The following NETO1 variants were observed in gnomAD, a reference collection of about 807,000 sequenced individuals.
NETO1 encodes the protein neuropilin and tolloid like 1.
NETO1 carries 26 observed loss-of-function variants against 61.3 expected under a neutral mutation model. That is an observed-to-expected ratio of 0.42 (90% confidence interval 0.31 to 0.59). The LOEUF is 0.59. NETO1 is among the 20% of genes least tolerant of loss of function. The pLI is 0.12. For synonymous variants in NETO1, 225 were observed against 225.8 expected (o/e 1.00, Z 0.03); for missense variants, 531 against 662.8 (o/e 0.80, Z 2.18).
rs867999890 is a variant in NETO1 at position 72,744,543 on chromosome 18, T to G, written c.*3636A>C. 6.6e-6 allele frequency: 1 copy of G among 152,088 alleles called. No homozygotes were observed. Among genetic ancestry groups the G allele is most frequent in the South Asian group, 2.1e-4 (1 of 4,832 alleles). 9.4% of individuals were successfully genotyped at this position (152,088 alleles called of 1,614,324 possible). On this transcript the variant is annotated 3_prime_UTR_variant, in exon 11 of 11. Coordinates refer to ENST00000327305, the MANE Select transcript of NETO1 (RefSeq NM_138966.5). ...TACGCTAGAGTGCAATAGATAGAAA[T>G]GAATCCATGGAGGGAAAAGGGCACA...
intron 4 of NETO1, chr18:72,835,217 T>C: frequency 2.1e-6 from 3 of 1,448,246 alleles, no homozygotes. Flanking sequence ...CAAGATGGTG[T>C]TAGATCAACG....
chr18:72,811,543 C>T (rs951587089), intron 4 of NETO1, among the ~76,000 whole-genome samples: 1 of 152,156 alleles, frequency 6.6e-6, no homozygotes, highest in African/African-American at 2.4e-5. Context: ...GTGGCTCGTG[C>T]TTGTCATCCC....
chr18:72,774,799 T>G (rs1172886826), intron 7 of NETO1, among the ~76,000 whole-genome samples: 1 of 152,220 alleles, frequency 6.6e-6, no homozygotes, highest in Non-Finnish European at 1.5e-5. Flanking sequence ...TTTGTCTTCT[T>G]TTTTGGATTA....
At chr18:72,866,157 AT>A (rs1175787440) in intron 1 of NETO1, among the ~76,000 whole-genome samples, 1 of 152,078 alleles carries the variant, frequency 6.6e-6, no homozygotes, top group African/African-American at 2.4e-5. Flanking sequence ...TTTCTTATTC[AT>A]TTTGTCATCC....
intron 4 of NETO1, among the ~76,000 whole-genome samples, chr18:72,824,782 G>A (rs963546579): frequency 1.3e-5 from 2 of 151,886 alleles, no homozygotes; most frequent in Admixed American, 1.3e-4. Flanking sequence ...CGGAGGCTAA[G>A]GCACCAGAAT....
At chr18:72,752,662 A>G (rs2070661316) in intron 8 of NETO1, among the ~76,000 whole-genome samples, 1 of 152,192 alleles carries the variant, frequency 6.6e-6, no homozygotes, top group African/African-American at 2.4e-5. Context: ...GCAGGCAATG[A>G]AAAGACCCTT....
At chr18:72,821,806 T>C (rs1459212423) in intron 4 of NETO1, among the ~76,000 whole-genome samples, 1 of 152,140 alleles carries the variant, frequency 6.6e-6, no homozygotes, top group Non-Finnish European at 1.5e-5. Flanking sequence ...CAGGTAATCT[T>C]ATCCTAAGGG....
intron 4 of NETO1, among the ~76,000 whole-genome samples, chr18:72,816,119 T>G (rs2073026330): frequency 6.6e-6 from 1 of 151,456 alleles, no homozygotes; most frequent in Non-Finnish European, 1.5e-5. Context: ...CCCCTGCAAT[T>G]CTCTATCTCT....
chr18:72,849,657 G>C (rs1156352557), intron 4 of NETO1, among the ~76,000 whole-genome samples: 1 of 152,110 alleles, frequency 6.6e-6, no homozygotes, highest in Non-Finnish European at 1.5e-5. Context: ...ATAAAATCAA[G>C]TATTTGTTTC....
At chr18:72,865,842 C>T in intron 1 of NETO1, 1 of 611,946 alleles carries the variant, frequency 1.6e-6, no homozygotes, top group South Asian at 2.3e-5. Flanking sequence ...CCAAGTAACC[C>T]CGTCCCTCAG....
chr18:72,831,853 T>C (rs1599104691), intron 4 of NETO1, among the ~76,000 whole-genome samples: 1 of 152,352 alleles, frequency 6.6e-6, no homozygotes, highest in African/African-American at 2.4e-5. Flanking sequence ...TCTTTGGGTA[T>C]TGTAGTCATA....
chr18:72,810,064 T>C (rs1228948460), intron 4 of NETO1, among the ~76,000 whole-genome samples: 1 of 152,224 alleles, frequency 6.6e-6, no homozygotes, highest in Non-Finnish European at 1.5e-5. Context: ...TGTTTGCAAT[T>C]TAAGAGGTCA....
intron 4 of NETO1, among the ~76,000 whole-genome samples, chr18:72,813,876 T>A: frequency 6.6e-6 from 1 of 150,572 alleles, no homozygotes; most frequent in African/African-American, 2.5e-5. Flanking sequence ...TTATTTAGAG[T>A]TTTCAAAACT....
intron 4 of NETO1, among the ~76,000 whole-genome samples, chr18:72,831,685 C>T (rs1273242770): frequency 6.6e-6 from 1 of 152,140 alleles, no homozygotes; most frequent in East Asian, 1.9e-4. Flanking sequence ...TTCATTGTTT[C>T]AAGACTAAAC....
At chr18:72,750,694 C>A in intron 8 of NETO1, 74 bp from the exon 9 acceptor site, 1 of 1,065,154 alleles carries the variant, frequency 9.4e-7, no homozygotes, top group Non-Finnish European at 1.3e-6. Flanking sequence ...ATATTATAGT[C>A]AAAATGTGTA....
intron 7 of NETO1, among the ~76,000 whole-genome samples, chr18:72,766,905 C>T (rs554797421): frequency 6.6e-6 from 1 of 152,126 alleles, no homozygotes; most frequent in Non-Finnish European, 1.5e-5. Flanking sequence ...CTTGATTCAG[C>T]CCCACAATGA....
Position 72,747,537 on chromosome 18 carries a change from G to A in NETO1, c.*642C>T, listed in dbSNP as rs754641162. 2.7e-4 allele frequency: 41 copies of A among 151,978 alleles called. No homozygotes were observed. Among genetic ancestry groups the A allele is most frequent in the Non-Finnish European group, 4.6e-4 (31 of 67,954 alleles). The allele number at this position is 151,978 out of a possible 1,614,324, so 9.4% of individuals were successfully genotyped here. ...ACTTTCTTTGATATAAAACAAAAAGGAAATCAGGGGTATACAGGAAAGACC... is the reference window on the plus strand; with the variant it reads ...ACTTTCTTTGATATAAAACAAAAAGAAAATCAGGGGTATACAGGAAAGACC... On this transcript the variant is annotated 3_prime_UTR_variant, in exon 11 of 11. Coordinates refer to ENST00000327305, the MANE Select transcript of NETO1 (RefSeq NM_138966.5).
chr18:72,825,872 T>C (rs1319153257), intron 4 of NETO1, among the ~76,000 whole-genome samples: 1 of 152,212 alleles, frequency 6.6e-6, no homozygotes, highest in Non-Finnish European at 1.5e-5. Context: ...AAAAATAAAA[T>C]GTGATTTAAA....
At chr18:72,794,323 C>A in intron 5 of NETO1, 40 bp downstream of exon 5, 1 of 1,613,382 alleles carries the variant, frequency 6.2e-7, no homozygotes, top group Non-Finnish European at 8.5e-7. Flanking sequence ...TAGCAGAAAA[C>A]AAAGTCTTCT....
Sources: allele counts gnomAD v4.1 joint callset (sites outside exome capture counted in the v4.1 genomes callset), GRCh38; gene constraint gnomAD v4.1.1; transcripts MANE v1.5; gene names NCBI Gene and HGNC (gene_info 2026-07-23, HGNC 2026-07-21).